Variants in DNAH6 observed in about 807,000 individuals in gnomAD.
DNAH6 encodes dynein axonemal heavy chain 6, also known as axonemal beta dynein heavy chain 6.
Under a neutral mutation model 491.4 loss-of-function variants are expected in DNAH6, and 340 were observed. The ratio of observed to expected loss-of-function variants is 0.69; its 90% CI spans 0.63 to 0.76. The LOEUF is 0.76. Ranked by LOEUF, DNAH6 falls within the 30% of genes least tolerant of loss-of-function variation. The pLI, the probability that DNAH6 is intolerant of heterozygous loss-of-function variation, is 0.00. For synonymous variants in DNAH6, 1,603 were observed against 1,686.1 expected, an observed-to-expected ratio of 0.95 and a Z score of 1.21; for missense variants, 4,443 against 4,972.2, an observed-to-expected ratio of 0.89 and a Z score of 3.20.
At chr2:84,736,050 G>A (rs1365784373) in intron 62 of DNAH6, among the ~76,000 whole-genome samples, 1 of 152,040 alleles carries the variant, frequency 6.6e-6, no homozygotes, top group East Asian at 1.9e-4. Flanking sequence ...AGAAGTAGGG[G>A]GTCCAGTTTC....
chr2:84,597,524 G>A (rs1684715368), intron 18 of DNAH6, among the ~76,000 whole-genome samples: 1 of 152,182 alleles, frequency 6.6e-6, no homozygotes, highest in African/African-American at 2.4e-5. Flanking sequence ...GTAAGGTTGT[G>A]CAGCCACTTT....
rs547808995 is a variant in DNAH6 at position 84,565,953 on chromosome 2, T to C, written c.1804-7514T>C. 2.6e-5 allele frequency among the ~76,000 whole-genome samples: 4 copies of C among 152,068 alleles called. No individual in the cohort carries two copies. In the South Asian group the frequency reaches 8.3e-4, roughly 32 times the overall value. ...GTTTTCCATTTTCATGGTAGGTCCT[T>C]TTTCATCTCTTTATTTTGAGCCTAT... On this transcript the variant is annotated intron_variant, in intron 11 of 76. Transcript: ENST00000389394.
At chr2:84,692,986 C>T (rs1341912076) in intron 45 of DNAH6, among the ~76,000 whole-genome samples, 1 of 152,182 alleles carries the variant, frequency 6.6e-6, no homozygotes, top group African/African-American at 2.4e-5. Flanking sequence ...AAAACTTCTG[C>T]ATGTAAATTA....
intron 70 of DNAH6, 142 bp from the exon 71 acceptor site, chr2:84,805,523 T>TA: frequency 5.6e-6 from 4 of 718,060 alleles, no homozygotes; most frequent in Admixed American, 3.5e-5. Flanking sequence ...ATGTTAATTG[T>TA]TCTTACCACA....
chr2:84,526,493 T>A lies in DNAH6; in HGVS notation c.399+755T>A, dbSNP rs546935505. ...GTGGGGTATAAGAGCTCTCCTTAGT[T>A]GTTTAAGGTACAAAATAATGAAAAA... On this transcript the variant is annotated intron_variant, in intron 3 of 76. Coordinates refer to ENST00000389394, the MANE Select transcript of DNAH6 (RefSeq NM_001370.2). Among the ~76,000 whole-genome samples, 6 of 152,248 alleles carry A rather than the reference T, an allele frequency of 3.9e-5. No homozygotes were observed. The East Asian group carries it at 1.2e-3, about 29-fold the overall frequency.
the DNAH6 span, among the ~76,000 whole-genome samples, chr2:84,489,021 A>G: frequency 1.3e-5 from 2 of 152,278 alleles, no homozygotes; most frequent in East Asian, 3.9e-4. Context: ...TTATTTACTT[A>G]GCTCCTGTGT....
At chr2:84,474,184 C>T in the DNAH6 span, among the ~76,000 whole-genome samples, 1 of 152,148 alleles carries the variant, frequency 6.6e-6, no homozygotes, top group Non-Finnish European at 1.5e-5. Context: ...GTAGTGCACC[C>T]ATGTGTTGAA....
intron 23 of DNAH6, among the ~76,000 whole-genome samples, chr2:84,618,736 G>C (rs956958729): frequency 6.6e-6 from 1 of 152,128 alleles, no homozygotes; most frequent in African/African-American, 2.4e-5. Context: ...GATTTGGAGA[G>C]ATTAAACATA....
the DNAH6 span, among the ~76,000 whole-genome samples, chr2:84,482,735 C>G: frequency 6.6e-6 from 1 of 152,190 alleles, no homozygotes; most frequent in East Asian, 1.9e-4. Flanking sequence ...AAATGACACT[C>G]TAGGTTTTTT....
At chr2:84,672,644 C>A in intron 40 of DNAH6, among the ~76,000 whole-genome samples, 160 bp downstream of exon 40, 1 of 152,070 alleles carries the variant, frequency 6.6e-6, no homozygotes, top group African/African-American at 2.4e-5. Context: ...CGTCTAAGAA[C>A]AAGGTGTCTG....
upstream of DNAH6, among the ~76,000 whole-genome samples, chr2:84,513,110 A>AT (rs772166243): frequency 3.4e-3 from 507 of 149,254 alleles, no homozygotes; most frequent in Non-Finnish European, 3.3e-3. Flanking sequence ...CTTTTTATCT[A>AT]TTTTTTTTTA....
intron 33 of DNAH6, among the ~76,000 whole-genome samples, chr2:84,652,725 A>T (rs1690570416): frequency 6.6e-6 from 1 of 152,092 alleles, no homozygotes. Flanking sequence ...ATATAATGTG[A>T]GGTAAAGATT....
intron 70 of DNAH6, among the ~76,000 whole-genome samples, chr2:84,799,820 A>T (rs1489889363): frequency 6.6e-6 from 1 of 152,254 alleles, no homozygotes; most frequent in Admixed American, 6.5e-5. Flanking sequence ...GAATGGACTT[A>T]AAGAGGGAGC....
At chr2:84,768,470 G>A (rs1675296200) in intron 64 of DNAH6, among the ~76,000 whole-genome samples, 1 of 151,378 alleles carries the variant, frequency 6.6e-6, no homozygotes, top group African/African-American at 2.4e-5. Context: ...GAAAATTTTA[G>A]TGAAATTTAA....
rs1672841676 is a variant in DNAH6, at chr2:84,745,116, A to C, written c.10379A>C (p.Glu3460Ala). 5.8e-6 allele frequency: 9 copies of C among 1,541,306 alleles called. No homozygotes were observed. Among genetic ancestry groups the C allele is most frequent in the Non-Finnish European group, 7.9e-6 (9 of 1,141,950 alleles). Reference protein sequence around the residue: ...FETYINPQKWEGYSKMKHEDK... With the variant: ...FETYINPQKWAGYSKMKHEDK... ...ACTTATATTAACCCACAGAAATGGG[A>C]AGGCTATTCTAAAATGAAACACGAA... Residue 3460 changes from glutamate to alanine, a missense_variant, in exon 63 of 77, where the codon GAA becomes GCA. Around this residue, in one of 3 missense-constraint regions of DNAH6, gnomAD observed 1,463 missense variants for 1,656.6 expected, o/e 0.88. Transcript: ENST00000389394.
intron 40 of DNAH6, among the ~76,000 whole-genome samples, chr2:84,673,564 T>C (rs1343761306): frequency 1.3e-5 from 2 of 152,218 alleles, no homozygotes; most frequent in Admixed American, 1.3e-4. Flanking sequence ...AGGGAGTTTA[T>C]TAAGTATTAA....
intron 68 of DNAH6, among the ~76,000 whole-genome samples, chr2:84,795,849 C>T (rs1678291494): frequency 6.6e-6 from 1 of 152,062 alleles, no homozygotes; most frequent in Non-Finnish European, 1.5e-5. Context: ...TCCTCCTTAC[C>T]CTGATAGCAA....
intron 11 of DNAH6, among the ~76,000 whole-genome samples, chr2:84,562,559 A>G (rs77307092): frequency 0.024 from 3,591 of 152,332 alleles, 58 homozygotes; most frequent in Middle Eastern, 0.092. Flanking sequence ...GCCAGATGCT[A>G]TGATTTGCTA....
chr2:84,632,756 C>A (rs1573297018), intron 29 of DNAH6, among the ~76,000 whole-genome samples: 2 of 152,222 alleles, frequency 1.3e-5, no homozygotes, highest in Non-Finnish European at 2.9e-5. Context: ...GGGACTGTTT[C>A]TTATCTCTGA....
Sources: allele counts gnomAD v4.1 joint callset (sites outside exome capture counted in the v4.1 genomes callset), GRCh38; gene constraint gnomAD v4.1.1; regional missense constraint gnomAD v4.1.1; transcripts MANE v1.5; gene names NCBI Gene and HGNC (gene_info 2026-07-23, HGNC 2026-07-21).